MGMT: variants seen among roughly 807,000 people sequenced by gnomAD.
MGMT encodes the protein methylated-DNA--protein-cysteine methyltransferase.
MGMT carries 14 observed loss-of-function variants against 15.9 expected under a neutral mutation model. The observed-to-expected ratio is 0.88, with a 90% confidence interval of 0.58 to 1.37. The LOEUF (loss-of-function observed/expected upper bound fraction) is 1.37. Ranked by LOEUF, MGMT falls within the 40% of genes most tolerant of loss-of-function variation. The pLI is 0.00. For synonymous variants in MGMT, 130 were observed against 118.2 expected, an observed-to-expected ratio of 1.10 and a Z score of -0.65; for missense variants, 282 against 268.1, an observed-to-expected ratio of 1.05 and a Z score of -0.36.
intron 2 of MGMT, among the ~76,000 whole-genome samples, chr10:129,673,740 G>C (rs747548156): frequency 6.6e-6 from 1 of 152,120 alleles, no homozygotes; most frequent in Admixed American, 6.5e-5. Flanking sequence ...AATTTAATGG[G>C]ATGTATGTAT....
At chr10:129,678,119 A>G (rs918244908) in intron 2 of MGMT, among the ~76,000 whole-genome samples, 2 of 152,110 alleles carry the variant, frequency 1.3e-5, no homozygotes, top group Non-Finnish European at 2.9e-5. Flanking sequence ...GAGGAGGCTC[A>G]AGGAAAGAAC....
At chr10:129,714,873 C>T (rs919822801) in intron 3 of MGMT, among the ~76,000 whole-genome samples, 1 of 152,156 alleles carries the variant, frequency 6.6e-6, no homozygotes, top group Admixed American at 6.5e-5. Flanking sequence ...CTGCTGAATC[C>T]CAGGAAATTC....
intron 3 of MGMT, among the ~76,000 whole-genome samples, chr10:129,724,180 G>C (rs1033659777): frequency 1.3e-5 from 2 of 152,164 alleles, no homozygotes; most frequent in African/African-American, 4.8e-5. Flanking sequence ...TCCATGTAGA[G>C]CCTGTTCCTA....
chr10:129,596,900 T>C (rs1221515452), intron 2 of MGMT, among the ~76,000 whole-genome samples: 1 of 151,974 alleles, frequency 6.6e-6, no homozygotes, highest in Non-Finnish European at 1.5e-5. Flanking sequence ...GTGGTTTTAA[T>C]GAGGCATATA....
chr10:129,491,766 G>A (rs183265880), intron 1 of MGMT, among the ~76,000 whole-genome samples: 41 of 151,990 alleles, frequency 2.7e-4, no homozygotes, highest in Admixed American at 6.6e-4. Flanking sequence ...GTATTTTTCA[G>A]TTCTAGAATG....
chr10:129,591,980 C>T (rs554760803), intron 2 of MGMT, among the ~76,000 whole-genome samples: 6 of 152,266 alleles, frequency 3.9e-5, no homozygotes, highest in Non-Finnish European at 5.9e-5. Context: ...AAGCAATAAA[C>T]GCTAATTGTA....
chr10:129,759,836 G>A (rs547828805), intron 4 of MGMT, among the ~76,000 whole-genome samples: 251 of 152,198 alleles, frequency 1.6e-3, no homozygotes, highest in Admixed American at 4.7e-3. Flanking sequence ...TGAGGCCCAG[G>A]GCTCCCTGGG....
intron 1 of MGMT, among the ~76,000 whole-genome samples, chr10:129,485,028 T>G (rs920599700): frequency 1.3e-5 from 2 of 152,094 alleles, no homozygotes; most frequent in African/African-American, 2.4e-5. Flanking sequence ...CTCTGAGGTC[T>G]TTACCTGATG....
intron 2 of MGMT, among the ~76,000 whole-genome samples, chr10:129,607,946 C>A (rs511110): frequency 1 from 152,178 of 152,318 alleles, 76,020 homozygotes; most frequent in Middle Eastern, 1. Flanking sequence ...GCGAGGTTGC[C>A]AAATCATGAC....
chr10:129,581,596 T>G (rs1846555992), intron 2 of MGMT, among the ~76,000 whole-genome samples: 1 of 152,066 alleles, frequency 6.6e-6, no homozygotes, highest in African/African-American at 2.4e-5. Context: ...CTTGCTGGAG[T>G]GCAGACACGT....
intron 2 of MGMT, among the ~76,000 whole-genome samples, chr10:129,674,930 C>T (rs930174098): frequency 6.6e-6 from 1 of 152,230 alleles, no homozygotes; most frequent in African/African-American, 2.4e-5. Context: ...AAGCGTGGCT[C>T]AGTCGTAGCT....
chr10:129,489,616 C>A (rs1282616773), intron 1 of MGMT, among the ~76,000 whole-genome samples: 2 of 151,840 alleles, frequency 1.3e-5, no homozygotes, highest in African/African-American at 4.9e-5. Flanking sequence ...CTTGCACTCT[C>A]TGTCTCTCTT....
At chr10:129,535,342 G>A (rs2119757566) in intron 1 of MGMT, among the ~76,000 whole-genome samples, 1 of 152,272 alleles carries the variant, frequency 6.6e-6, no homozygotes, top group Admixed American at 6.5e-5. Context: ...ACTGCAGTGA[G>A]CTAGGATTGC....
In MGMT at chr10:129,593,377, C is replaced by A. The variant is rs939360851; in HGVS notation, c.125+57000C>A. Reference sequence around the variant, plus strand: ...CTGTGTTTCCTGCATTTGGGATGGGCGGTCCTCCCTCCTGCCTCCCCAGCT... The same window carrying A: ...CTGTGTTTCCTGCATTTGGGATGGGAGGTCCTCCCTCCTGCCTCCCCAGCT... On this transcript the variant is annotated intron_variant, in intron 2 of 4. Coordinates refer to ENST00000651593, the MANE Select transcript of MGMT (RefSeq NM_002412.5). Among the ~76,000 whole-genome samples the A allele has an allele frequency of 2.0e-5, 3 of 152,260 alleles. No homozygotes were observed. In the East Asian group the frequency reaches 5.8e-4, roughly 30 times the overall value.
intron 2 of MGMT, among the ~76,000 whole-genome samples, chr10:129,537,683 G>A (rs1042694749): frequency 3.3e-5 from 5 of 152,200 alleles, no homozygotes; most frequent in African/African-American, 1.2e-4. Flanking sequence ...AGGCAAATAG[G>A]ATGAAGACGC....
At chr10:129,574,120 G>A (rs1589873984) in intron 2 of MGMT, among the ~76,000 whole-genome samples, 1 of 152,330 alleles carries the variant, frequency 6.6e-6, no homozygotes, top group East Asian at 1.9e-4. Context: ...TGTTATTTAT[G>A]CGCAGTTACT....
rs117441454 is a variant in MGMT at position 129,758,570 on chromosome 10, T to C, written c.275-632T>C. On this transcript the variant is annotated intron_variant, in intron 3 of 4. Transcript: ENST00000651593. ...TTCCTGCAGCAGGATGCGGCACAAA[T>C]GCAGTTGGATGTGGTTAGTCAATTA... Among the ~76,000 whole-genome samples, 66 of 152,234 alleles carry C rather than the reference T, an allele frequency of 4.3e-4. 1 individual carries two copies. The East Asian group carries it at 0.011, about 26-fold the overall frequency.
intron 2 of MGMT, among the ~76,000 whole-genome samples, chr10:129,562,188 C>T (rs1465274565): frequency 1.3e-5 from 2 of 152,166 alleles, no homozygotes; most frequent in Non-Finnish European, 2.9e-5. Flanking sequence ...CTTCAAAACA[C>T]TCCGTCACCA....
intron 2 of MGMT, among the ~76,000 whole-genome samples, chr10:129,565,041 T>A (rs986090108): frequency 1.3e-5 from 2 of 152,194 alleles, no homozygotes; most frequent in African/African-American, 4.8e-5. Flanking sequence ...CGCTTGACTT[T>A]GCGACACGCA....
Sources: allele counts gnomAD v4.1 joint callset (sites outside exome capture counted in the v4.1 genomes callset), GRCh38; gene constraint gnomAD v4.1.1; transcripts MANE v1.5; gene names NCBI Gene and HGNC (gene_info 2026-07-23, HGNC 2026-07-21).